Variants in LRFN2 observed in about 807,000 individuals in gnomAD.
LRFN2 encodes the protein leucine rich repeat and fibronectin type III domain containing 2.
A neutral mutation model predicts 37.3 loss-of-function variants in LRFN2; 18 were observed. The ratio of observed to expected loss-of-function variants is 0.48; its 90% CI spans 0.33 to 0.72. LRFN2 has a LOEUF of 0.72. Ranked by LOEUF, LRFN2 falls within the 30% of genes least tolerant of loss-of-function variation. LRFN2 has a pLI of 0.02. For missense variants in LRFN2, 1,006 were observed against 1,060.7 expected, an observed-to-expected ratio of 0.95 and a Z score of 0.72; for synonymous variants, 556 against 466.6, an observed-to-expected ratio of 1.19 and a Z score of -2.47.
intron 2 of LRFN2, among the ~76,000 whole-genome samples, chr6:40,409,572 G>A (rs1762917419): frequency 1.3e-5 from 2 of 152,148 alleles, no homozygotes; most frequent in African/African-American, 4.8e-5. Context: ...GAGCAATCTT[G>A]AACAAGGGAT....
At chr6:40,431,104 CT>C (rs964740213) in intron 2 of LRFN2, among the ~76,000 whole-genome samples, 21 of 148,328 alleles carry the variant, frequency 1.4e-4, no homozygotes, top group South Asian at 2.1e-4. Flanking sequence ...TTCTCTCTCT[CT>C]TTTTTTTTTA....
intron 1 of LRFN2, among the ~76,000 whole-genome samples, chr6:40,529,033 T>C (rs150521446): frequency 6.6e-6 from 1 of 152,292 alleles, no homozygotes; most frequent in East Asian, 1.9e-4. Flanking sequence ...CACACACTAA[T>C]TTGTCCTGAT....
intron 1 of LRFN2, among the ~76,000 whole-genome samples, chr6:40,557,993 G>T (rs6906223): frequency 6.6e-6 from 1 of 151,932 alleles, no homozygotes; most frequent in Non-Finnish European, 1.5e-5. Flanking sequence ...GCAAGGATTC[G>T]CTTGTCCACT....
At chr6:40,415,161 C>T (rs1008135365) in intron 2 of LRFN2, among the ~76,000 whole-genome samples, 4 of 152,184 alleles carry the variant, frequency 2.6e-5, no homozygotes, top group Non-Finnish European at 4.4e-5. Flanking sequence ...AGTCTTTCCC[C>T]GCAATGCCTC....
At chr6:40,415,552 C>T (rs1288017934) in intron 2 of LRFN2, among the ~76,000 whole-genome samples, 2 of 152,156 alleles carry the variant, frequency 1.3e-5, no homozygotes, top group Non-Finnish European at 2.9e-5. Flanking sequence ...TTCTGGATCA[C>T]CTCTTCCAGG....
chr6:40,477,000 T>A (rs1286221631), intron 1 of LRFN2, among the ~76,000 whole-genome samples: 1 of 152,252 alleles, frequency 6.6e-6, no homozygotes, highest in African/African-American at 2.4e-5. Flanking sequence ...TCTCCTTTAA[T>A]TAAACTCACC....
intron 1 of LRFN2, among the ~76,000 whole-genome samples, chr6:40,564,101 C>A (rs1366317239): frequency 2.0e-5 from 3 of 152,052 alleles, no homozygotes; most frequent in Non-Finnish European, 4.4e-5. Context: ...CTAATTTTCC[C>A]CAAGTCATAC....
intron 1 of LRFN2, among the ~76,000 whole-genome samples, chr6:40,482,670 A>G (rs929522892): frequency 1.3e-5 from 2 of 152,218 alleles, no homozygotes; most frequent in South Asian, 4.2e-4. Context: ...AGCTCCCTCC[A>G]GCAGCCTCAG....
intron 1 of LRFN2, among the ~76,000 whole-genome samples, chr6:40,558,892 C>T (rs1766939744): frequency 6.6e-6 from 1 of 152,214 alleles, no homozygotes; most frequent in Non-Finnish European, 1.5e-5. Flanking sequence ...CAAAGCCGGG[C>T]TTGCCCGTGA....
At chr6:40,451,038 ATTG>A (rs1764091549) in intron 1 of LRFN2, among the ~76,000 whole-genome samples, 1 of 152,194 alleles carries the variant, frequency 6.6e-6, no homozygotes, top group South Asian at 2.1e-4. Flanking sequence ...TAGCTTTGAT[ATTG>A]TTGTTTCCTC....
intron 1 of LRFN2, among the ~76,000 whole-genome samples, chr6:40,493,071 T>TA (rs1362162358): frequency 6.6e-6 from 1 of 152,040 alleles, no homozygotes; most frequent in Non-Finnish European, 1.5e-5. Flanking sequence ...GCAAGGAGAC[T>TA]ATGACATATG....
intron 2 of LRFN2, among the ~76,000 whole-genome samples, chr6:40,409,909 G>A (rs2436758): frequency 0.32 from 49,245 of 152,000 alleles, 8,852 homozygotes; most frequent in South Asian, 0.59. Context: ...CTCACCCCAC[G>A]GAGAGTTGCC....
At chr6:40,536,491 T>G (rs1199234883) in intron 1 of LRFN2, among the ~76,000 whole-genome samples, 1 of 152,150 alleles carries the variant, frequency 6.6e-6, no homozygotes, top group African/African-American at 2.4e-5. Context: ...TGAAATTTCC[T>G]TAGCTGCCTT....
At chr6:40,552,199 G>A (rs140267326) in intron 1 of LRFN2, among the ~76,000 whole-genome samples, 350 of 152,284 alleles carry the variant, frequency 2.3e-3, no homozygotes, top group African/African-American at 7.9e-3. Flanking sequence ...GTGAGCCCAG[G>A]AATCCTTGTT....
intron 1 of LRFN2, among the ~76,000 whole-genome samples, chr6:40,454,110 G>A (rs529558330): frequency 4.2e-4 from 64 of 152,304 alleles, no homozygotes; most frequent in African/African-American, 1.5e-3. Flanking sequence ...TGTCTAACAT[G>A]CTCAATCTTA....
At chr6:40,453,973 T>C (rs1764179189) in intron 1 of LRFN2, among the ~76,000 whole-genome samples, 1 of 152,188 alleles carries the variant, frequency 6.6e-6, no homozygotes, top group Non-Finnish European at 1.5e-5. Flanking sequence ...GTGTGGTTTT[T>C]GTGCTGGACT....
At chr6:40,551,072 G>A (rs1766770857) in intron 1 of LRFN2, among the ~76,000 whole-genome samples, 1 of 152,132 alleles carries the variant, frequency 6.6e-6, no homozygotes, top group Admixed American at 6.5e-5. Context: ...CCAACGCAAG[G>A]ATGGATGAGG....
At chr6:40,485,809 C>T (rs1022629068) in intron 1 of LRFN2, among the ~76,000 whole-genome samples, 44 of 152,168 alleles carry the variant, frequency 2.9e-4, no homozygotes, top group Non-Finnish European at 6.5e-4. Context: ...TAAGTGCCCC[C>T]AGAAGGAGAT....
chr6:40,483,776 T>C (rs1764886919), intron 1 of LRFN2, among the ~76,000 whole-genome samples: 1 of 152,146 alleles, frequency 6.6e-6, no homozygotes, highest in Non-Finnish European at 1.5e-5. Context: ...TTCCCTCCCT[T>C]TACCCTCAGG....
Sources: allele counts gnomAD v4.1 joint callset (sites outside exome capture counted in the v4.1 genomes callset), GRCh38; gene constraint gnomAD v4.1.1; transcripts MANE v1.5; gene names NCBI Gene and HGNC (gene_info 2026-07-23, HGNC 2026-07-21).